Variants in CNTNAP2 observed in about 807,000 individuals in gnomAD.
CNTNAP2 encodes the protein contactin-associated protein-like 2.
In CNTNAP2, 98 loss-of-function variants were observed where a neutral mutation model predicts 155.2. The observed-to-expected ratio is 0.63, with a 90% CI of 0.54 to 0.75. CNTNAP2 has a LOEUF of 0.75. Among genes scored for constraint, CNTNAP2 ranks in the 30% least tolerant of loss-of-function variants. The pLI is 0.00. For missense variants in CNTNAP2, 1,727 were observed against 1,688.1 expected, an observed-to-expected ratio of 1.02 and a Z score of -0.40; for synonymous variants, 651 against 631.2, an observed-to-expected ratio of 1.03 and a Z score of -0.47.
Position 146,959,644 on chromosome 7 carries a change from C to T in CNTNAP2, c.403-84263C>T, listed in dbSNP as rs144085538. On this transcript the variant is annotated intron_variant, in intron 3 of 23. Coordinates refer to ENST00000361727, the MANE Select transcript of CNTNAP2 (RefSeq NM_014141.6). The stretch of plus-strand genomic sequence containing the variant: ...CTGAGGCAGAAGACTCACTTGAACC[C>T]GAGAGGTAGTGGTTGCAGTGAGCTG... Among the ~76,000 whole-genome samples, 295 of 148,706 alleles carry T rather than the reference C, an allele frequency of 2.0e-3. 1 individual carries two copies. The highest frequency in any genetic ancestry group is 6.8e-3 in the African/African-American group (275 of 40,368).
chr7:148,199,782 A>G lies in CNTNAP2; in HGVS notation c.3011-17506A>G, dbSNP rs74866387. 4.1e-4 allele frequency among the ~76,000 whole-genome samples: 63 copies of G among 152,326 alleles called. No individual in the cohort carries two copies. The East Asian group carries it at 0.012, about 29-fold the overall frequency. ...AGTAGGATAGAGAGAGATACATAAG[A>G]GGGGGTTTCTTAATGGAAATTGGCT... On this transcript the variant is annotated intron_variant, in intron 18 of 23. Coordinates refer to ENST00000361727, the MANE Select transcript of CNTNAP2 (RefSeq NM_014141.6).
intron 3 of CNTNAP2, among the ~76,000 whole-genome samples, chr7:147,013,210 T>C (rs1164639087): frequency 6.6e-6 from 1 of 152,092 alleles, no homozygotes; most frequent in Non-Finnish European, 1.5e-5. Flanking sequence ...ATCAAGGTAA[T>C]TTTGACAGAA....
chr7:146,576,290 A>G (rs575903128), intron 1 of CNTNAP2, among the ~76,000 whole-genome samples: 113 of 152,348 alleles, frequency 7.4e-4, no homozygotes, highest in Non-Finnish European at 8.7e-4. Flanking sequence ...AGTGCTTTCT[A>G]GAGGAAAGCT....
chr7:148,142,093 C>CTGTG (rs71527881), intron 16 of CNTNAP2, among the ~76,000 whole-genome samples: 26,975 of 136,194 alleles, frequency 0.2, 2,172 homozygotes, highest in African/African-American at 0.23. Flanking sequence ...AGATATGTCT[C>CTGTG]TGTGTGTGTG....
chr7:146,296,154 TTGCTTAAGCAGA>T (rs1800511278), intron 1 of CNTNAP2, among the ~76,000 whole-genome samples: 1 of 152,128 alleles, frequency 6.6e-6, no homozygotes, highest in Admixed American at 6.6e-5. Flanking sequence ...TTTTTAGGAA[TTGCTTAAGCAGA>T]TCCTAAATTC....
intron 8 of CNTNAP2, among the ~76,000 whole-genome samples, chr7:147,142,467 T>G (rs1253251226): frequency 6.6e-6 from 1 of 152,208 alleles, no homozygotes; most frequent in Admixed American, 6.5e-5. Context: ...GCTGCTGGAT[T>G]CAGTTTGCCA....
At chr7:146,721,553 ATATACATTCTATATATATTC>A (rs1563203737) in intron 1 of CNTNAP2, among the ~76,000 whole-genome samples, 1 of 124,180 alleles carries the variant, frequency 8.1e-6, no homozygotes, top group African/African-American at 3.4e-5. Context: ...TATATATTCT[ATATACATTCTATATATATTC>A]TATATACATT....
chr7:146,819,876 A>T (rs1803243601), intron 2 of CNTNAP2, among the ~76,000 whole-genome samples: 1 of 152,118 alleles, frequency 6.6e-6, no homozygotes, highest in Non-Finnish European at 1.5e-5. Flanking sequence ...GGCTGTCAGG[A>T]TGTTCTGAGA....
chr7:146,984,671 G>T (rs1234392397), intron 3 of CNTNAP2, among the ~76,000 whole-genome samples: 1 of 151,976 alleles, frequency 6.6e-6, no homozygotes, highest in African/African-American at 2.4e-5. Context: ...CCAATGGTGT[G>T]GTTCATTGAA....
At chr7:146,850,978 A>G (rs1794867388) in intron 3 of CNTNAP2, among the ~76,000 whole-genome samples, 1 of 151,828 alleles carries the variant, frequency 6.6e-6, no homozygotes, top group African/African-American at 2.4e-5. Context: ...TTGGTATTTT[A>G]TTTATTTTTT....
At chr7:146,918,651 T>C (rs1477295723) in intron 3 of CNTNAP2, among the ~76,000 whole-genome samples, 1 of 152,210 alleles carries the variant, frequency 6.6e-6, no homozygotes, top group Non-Finnish European at 1.5e-5. Context: ...CTGATGACAA[T>C]GTGCCTAGGC....
intron 13 of CNTNAP2, among the ~76,000 whole-genome samples, chr7:147,772,493 A>G (rs10243995): frequency 2.6e-5 from 3 of 117,150 alleles, no homozygotes; most frequent in African/African-American, 9.5e-5. Flanking sequence ...TACACACACA[A>G]AAAAAAAACC....
chr7:146,232,305 A>AATATAATAAT (rs59860211), intron 1 of CNTNAP2, among the ~76,000 whole-genome samples: 100,397 of 149,026 alleles, frequency 0.67, 35,376 homozygotes, highest in East Asian at 0.94. Context: ...AATAATATAT[A>AATATAATAAT]ATTTTAATTG....
chr7:147,275,534 C>A (rs1804876665), intron 8 of CNTNAP2, among the ~76,000 whole-genome samples: 1 of 151,942 alleles, frequency 6.6e-6, no homozygotes, highest in African/African-American at 2.4e-5. Flanking sequence ...GATTTTGTAT[C>A]CTGAAACCTT....
At chr7:147,525,597 A>G (rs1198756714) in intron 11 of CNTNAP2, among the ~76,000 whole-genome samples, 1 of 152,200 alleles carries the variant, frequency 6.6e-6, no homozygotes, top group African/African-American at 2.4e-5. Flanking sequence ...GCTAGTGATA[A>G]AATATTGGAT....
intron 14 of CNTNAP2, among the ~76,000 whole-genome samples, chr7:147,932,380 G>A (rs1800521607): frequency 6.6e-6 from 1 of 152,108 alleles, no homozygotes; most frequent in South Asian, 2.1e-4. Flanking sequence ...ATAGACCAGT[G>A]GAAAGAGGGC....
At chr7:147,250,921 G>C (rs1456365058) in intron 8 of CNTNAP2, among the ~76,000 whole-genome samples, 1 of 152,086 alleles carries the variant, frequency 6.6e-6, no homozygotes, top group African/African-American at 2.4e-5. Flanking sequence ...GTTTTCTCTT[G>C]AGCTTCTCTT....
chr7:147,703,525 AC>A (rs1174255756), intron 13 of CNTNAP2, among the ~76,000 whole-genome samples: 6 of 152,208 alleles, frequency 3.9e-5, no homozygotes, highest in African/African-American at 1.4e-4. Context: ...CAGAGTAAGG[AC>A]AAAAAATACT....
chr7:146,711,197 T>C (rs1801062651), intron 1 of CNTNAP2, among the ~76,000 whole-genome samples: 1 of 149,532 alleles, frequency 6.7e-6, no homozygotes, highest in African/African-American at 2.4e-5. Flanking sequence ...TATGTATGTA[T>C]ACATACACAC....
Sources: allele counts gnomAD v4.1 joint callset (sites outside exome capture counted in the v4.1 genomes callset), GRCh38; gene constraint gnomAD v4.1.1; transcripts MANE v1.5; gene names NCBI Gene and HGNC (gene_info 2026-07-23, HGNC 2026-07-21).